The following ARSB variants were observed in gnomAD, a reference collection of about 807,000 sequenced individuals.
ARSB encodes arylsulfatase B.
In ARSB, 41 loss-of-function variants were observed where a neutral mutation model predicts 50.9. The ratio of observed to expected loss-of-function variants is 0.81; its 90% CI spans 0.63 to 1.04. The LOEUF (loss-of-function observed/expected upper bound fraction) is 1.04. Ranked by LOEUF, ARSB falls within the 50% of genes least tolerant of loss-of-function variation. The pLI, the probability that ARSB is intolerant of heterozygous loss-of-function variation, is 0.00. For synonymous variants in ARSB, 269 were observed against 284.8 expected, an observed-to-expected ratio of 0.94 and a Z score of 0.56; for missense variants, 672 against 693.3, an observed-to-expected ratio of 0.97 and a Z score of 0.35.
chr5:78,805,704 C>T (rs900883824), intron 6 of ARSB, among the ~76,000 whole-genome samples: 18 of 152,316 alleles, frequency 1.2e-4, no homozygotes, highest in African/African-American at 4.3e-4. Flanking sequence ...AGAAAAGTGG[C>T]TGGATGAGCA....
chr5:78,826,102 A>C (rs992458447), intron 6 of ARSB, among the ~76,000 whole-genome samples: 12 of 150,128 alleles, frequency 8.0e-5, no homozygotes, highest in Admixed American at 2.0e-4. Flanking sequence ...GCTGGAGTGC[A>C]GTGGCACGAT....
intron 5 of ARSB, among the ~76,000 whole-genome samples, chr5:78,875,153 T>C (rs556641773): frequency 3.9e-5 from 6 of 152,170 alleles, no homozygotes; most frequent in Non-Finnish European, 7.4e-5. Flanking sequence ...ATACAAAGCA[T>C]TTCAATTATT....
intron 4 of ARSB, among the ~76,000 whole-genome samples, chr5:78,933,259 T>TTTTTATAA (rs1302025878): frequency 6.6e-6 from 1 of 152,222 alleles, no homozygotes; most frequent in African/African-American, 2.4e-5. Context: ...TGGGCCTGAA[T>TTTTTATAA]TTTTATAATC....
At chr5:78,955,586 T>A in intron 3 of ARSB, 84 bp from the exon 4 acceptor site, 2 of 1,085,378 alleles carry the variant, frequency 1.8e-6, no homozygotes, top group Non-Finnish European at 2.8e-6. Context: ...ATTTATGCAT[T>A]AATAAAAATA....
rs866042195 is a variant in ARSB at position 78,805,756 on chromosome 5, T to A, written c.1214-23782A>T. Among the ~76,000 whole-genome samples, 112 of 152,188 alleles carry A rather than the reference T, an allele frequency of 7.4e-4. 1 individual carries two copies. The highest frequency in any genetic ancestry group is 7.9e-4 in the Admixed American group (12 of 15,286). ...GCAAATTTAAAATTTTTGATTATCA[T>A]CGACTGAGCAGCCGGGTGGCTCTGT... On this transcript the variant is annotated intron_variant, in intron 6 of 7. Coordinates refer to ENST00000264914, the MANE Select transcript of ARSB (RefSeq NM_000046.5).
rs1753133149 is a variant in ARSB, at chr5:78,985,244, C to T, written c.5G>A (p.Gly2Asp). M[G>D]PRGAASLPRG... ...GGGCAAGCTCGCCGCGCCGCGCGGA[C>T]CCATCCTTGTCCGCCCGCGGTCCCA... The change falls in exon 1 of 8, where the codon GGT (glycine) becomes GAT (aspartate). Residue 2 changes from glycine (G) to aspartate (D), a missense_variant. Physicochemically the swap from Gly to Asp is moderately conservative, Grantham distance 94. Coordinates refer to ENST00000264914, the MANE Select transcript of ARSB (RefSeq NM_000046.5). The T allele has an allele frequency of 4.5e-6, 6 of 1,319,794 alleles. No homozygotes were observed. In the South Asian group the frequency reaches 1.3e-4, roughly 28 times the overall value. 81.8% of individuals were successfully genotyped at this position (1,319,794 alleles called of 1,614,324 possible).
chr5:78,863,200 G>A (rs1746535299), intron 5 of ARSB, among the ~76,000 whole-genome samples: 1 of 152,158 alleles, frequency 6.6e-6, no homozygotes. Flanking sequence ...ACAGTGTGGC[G>A]ATTCCTCAAG....
At chr5:78,860,498 T>C (rs1170986505) in intron 5 of ARSB, among the ~76,000 whole-genome samples, 2 of 148,450 alleles carry the variant, frequency 1.3e-5, no homozygotes, top group African/African-American at 4.9e-5. Context: ...AACAACCTAA[T>C]CCTGAAGGAC....
At chr5:78,909,674 A>G (rs1190663582) in intron 4 of ARSB, among the ~76,000 whole-genome samples, 3 of 152,134 alleles carry the variant, frequency 2.0e-5, no homozygotes, top group Non-Finnish European at 4.4e-5. Context: ...AGCCACAGGG[A>G]CCTCTGCCCA....
intron 6 of ARSB, among the ~76,000 whole-genome samples, chr5:78,795,297 T>A (rs993120898): frequency 1.3e-5 from 2 of 152,136 alleles, no homozygotes; most frequent in Non-Finnish European, 2.9e-5. Context: ...TCCAGCTCCA[T>A]GGACCCTAGG....
At chr5:78,835,405 G>T (rs1448438125) in intron 6 of ARSB, among the ~76,000 whole-genome samples, 5 of 152,052 alleles carry the variant, frequency 3.3e-5, no homozygotes, top group Admixed American at 6.6e-5. Flanking sequence ...AAATCTCCTG[G>T]GAAGTGCGTA....
chr5:78,904,685 CT>C (rs55920994), intron 4 of ARSB, among the ~76,000 whole-genome samples: 1,555 of 98,808 alleles, frequency 0.016, 9 homozygotes, highest in African/African-American at 0.029. Context: ...TTCTTTCTTT[CT>C]TTTTTTTTTT....
chr5:78,891,886 A>G (rs1342481241), intron 4 of ARSB, among the ~76,000 whole-genome samples: 2 of 146,672 alleles, frequency 1.4e-5, no homozygotes, highest in African/African-American at 2.8e-5. Flanking sequence ...ACTTTCCCCT[A>G]TCACCCCTAC....
intron 4 of ARSB, 126 bp from the exon 5 acceptor site, chr5:78,885,953 T>C: frequency 6.8e-7 from 1 of 1,462,242 alleles, no homozygotes; most frequent in Non-Finnish European, 9.4e-7. Flanking sequence ...ATTCCTTGCC[T>C]TTTCCCACCC....
intron 1 of ARSB, among the ~76,000 whole-genome samples, chr5:78,980,411 C>T (rs1752849744): frequency 6.6e-6 from 1 of 152,168 alleles, no homozygotes; most frequent in South Asian, 2.1e-4. Context: ...GCAAAGTATT[C>T]ACTTCACCAT....
chr5:78,852,476 G>C (rs1040744677), intron 5 of ARSB, among the ~76,000 whole-genome samples: 1 of 152,070 alleles, frequency 6.6e-6, no homozygotes, highest in African/African-American at 2.4e-5. Flanking sequence ...CTTTCTCTCT[G>C]GCTGCCCTTA....
intron 4 of ARSB, among the ~76,000 whole-genome samples, chr5:78,920,182 G>A (rs1025592623): frequency 6.6e-6 from 1 of 152,198 alleles, no homozygotes; most frequent in African/African-American, 2.4e-5. Flanking sequence ...GCTGGAGGGA[G>A]GCAGACTTAC....
At chr5:78,795,667 G>A (rs1460691013) in intron 6 of ARSB, among the ~76,000 whole-genome samples, 1 of 152,198 alleles carries the variant, frequency 6.6e-6, no homozygotes. Flanking sequence ...AAACAGGAGT[G>A]TTGGGAAAAA....
chr5:78,839,440 T>A lies in ARSB; in HGVS notation c.1143-14A>T. Reference sequence around the variant, plus strand: ...GGGCTTCCTTCACTGGAAAACAATTTTTAAGGGAATGTTAATTTCCTCTCT... The same window carrying A: ...GGGCTTCCTTCACTGGAAAACAATTATTAAGGGAATGTTAATTTCCTCTCT... On this transcript the variant is annotated splice_polypyrimidine_tract_variant and intron_variant, in intron 5 of 7. Transcript: ENST00000264914. 1 of 1,608,280 alleles carries A rather than the reference T, an allele frequency of 6.2e-7. No individual in the cohort carries two copies. The highest frequency in any genetic ancestry group is 8.5e-7 in the Non-Finnish European group (1 of 1,174,956).
Sources: allele counts gnomAD v4.1 joint callset (sites outside exome capture counted in the v4.1 genomes callset), GRCh38; gene constraint gnomAD v4.1.1; transcripts MANE v1.5; gene names NCBI Gene and HGNC (gene_info 2026-07-23, HGNC 2026-07-21).